The following DPP10 variants were observed in gnomAD, a reference collection of about 807,000 sequenced individuals.
The protein encoded by DPP10 is dipeptidyl peptidase like 10.
In DPP10, 33 loss-of-function variants were observed where a neutral mutation model predicts 120.9. The observed-to-expected ratio is 0.27, with a 90% CI of 0.21 to 0.37. DPP10 has a LOEUF of 0.37. DPP10 is among the 10% of genes least tolerant of loss of function. The pLI, the probability that DPP10 is intolerant of heterozygous loss-of-function variation, is 1.00. For missense variants in DPP10, 816 were observed against 942.8 expected, an observed-to-expected ratio of 0.87 and a Z score of 1.76; for synonymous variants, 337 against 326.1, an observed-to-expected ratio of 1.03 and a Z score of -0.36.
intron 1 of DPP10, chr2:115,161,821 C>CCG: frequency 1.2e-6 from 1 of 834,218 alleles, no homozygotes; most frequent in Non-Finnish European, 1.6e-6. Context: ...CCTCCCCGCC[C>CCG]CTCCGCTCCC....
At chr2:115,019,376 C>T (rs941958359) in intron 1 of DPP10, among the ~76,000 whole-genome samples, 2 of 152,026 alleles carry the variant, frequency 1.3e-5, no homozygotes, top group African/African-American at 4.8e-5. Context: ...GCAAACTGCA[C>T]TTGAAAGTCT....
At chr2:115,098,518 A>G (rs930526881) in intron 1 of DPP10, among the ~76,000 whole-genome samples, 2 of 152,102 alleles carry the variant, frequency 1.3e-5, no homozygotes, top group African/African-American at 4.8e-5. Flanking sequence ...ACGACATGTT[A>G]TTGTATTGAA....
intron 5 of DPP10, among the ~76,000 whole-genome samples, chr2:115,527,099 A>G (rs1286763418): frequency 6.6e-6 from 1 of 152,146 alleles, no homozygotes; most frequent in Non-Finnish European, 1.5e-5. Context: ...CTGCTATATT[A>G]AACTGATCAT....
chr2:115,235,636 A>C (rs2057960102), intron 1 of DPP10, among the ~76,000 whole-genome samples: 2 of 152,080 alleles, frequency 1.3e-5, no homozygotes, highest in Non-Finnish European at 2.9e-5. Context: ...ATCCCAGCTC[A>C]CTGCAACCTC....
At chr2:115,123,862 A>C (rs2049944752) in intron 1 of DPP10, among the ~76,000 whole-genome samples, 1 of 152,084 alleles carries the variant, frequency 6.6e-6, no homozygotes, top group Non-Finnish European at 1.5e-5. Flanking sequence ...GAACAGGAAG[A>C]TAGTCAGCAA....
chr2:114,487,940 C>A (rs566206434), intron 1 of DPP10, among the ~76,000 whole-genome samples: 3 of 152,096 alleles, frequency 2.0e-5, no homozygotes, highest in Non-Finnish European at 4.4e-5. Context: ...CATGCACTAA[C>A]AAACAGAAAA....
At chr2:115,719,124 T>C (rs2092579909) in intron 7 of DPP10, among the ~76,000 whole-genome samples, 1 of 152,170 alleles carries the variant, frequency 6.6e-6, no homozygotes, top group Non-Finnish European at 1.5e-5. Context: ...AGAAAGTCTG[T>C]TATTATATTC....
At chr2:115,720,436 C>T (rs1386511762) in intron 7 of DPP10, among the ~76,000 whole-genome samples, 1 of 151,932 alleles carries the variant, frequency 6.6e-6, no homozygotes, top group African/African-American at 2.4e-5. Context: ...ATTCGATGAT[C>T]CATCTAAAAA....
intron 5 of DPP10, among the ~76,000 whole-genome samples, chr2:115,662,432 T>A (rs1558995460): frequency 8.4e-6 from 1 of 118,662 alleles, no homozygotes; most frequent in Non-Finnish European, 1.7e-5. Context: ...TTTTTGTTTT[T>A]TATTTTTTTT....
intron 1 of DPP10, among the ~76,000 whole-genome samples, chr2:114,881,491 CATA>C (rs1458876862): frequency 0.022 from 1,644 of 74,580 alleles, 42 homozygotes; most frequent in African/African-American, 0.079. Flanking sequence ...ATCTATCTAT[CATA>C]TCTCTCTGTC....
rs186399212 is a variant in DPP10, at chr2:114,896,424, G to A, written c.61-412815G>A. Among the ~76,000 whole-genome samples the A allele has an allele frequency of 7.9e-5, 12 of 152,118 alleles. No homozygotes were observed. In the East Asian group the frequency reaches 9.7e-4, roughly 12 times the overall value. ...CTTTTATTTCCTTGAGCAGTGTTTT[G>A]TAGTTCTCCTTGAAGAGGTCCTTCA... On this transcript the variant is annotated intron_variant, in intron 1 of 25. Coordinates refer to ENST00000410059, the MANE Select transcript of DPP10 (RefSeq NM_020868.6).
At chr2:115,810,176 A>G (rs2150017041) in intron 19 of DPP10, among the ~76,000 whole-genome samples, 1 of 151,424 alleles carries the variant, frequency 6.6e-6, no homozygotes, top group East Asian at 1.9e-4. Context: ...AAAAAAAAAA[A>G]GTACTGCCCT....
chr2:115,538,671 G>A lies in DPP10; in HGVS notation c.441+12699G>A, dbSNP rs929702113. 1.1e-4 allele frequency among the ~76,000 whole-genome samples: 16 copies of A among 152,038 alleles called. No homozygotes were observed. The East Asian group carries it at 3.1e-3, about 30-fold the overall frequency. ...TAATGGACACACTAACTTAAGTAAC[G>A]TTATTGGCCACAGCTCAGTATAAAT... On this transcript the variant is annotated intron_variant, in intron 5 of 25. Coordinates refer to ENST00000410059, the MANE Select transcript of DPP10 (RefSeq NM_020868.6).
At chr2:115,119,317 T>C (rs548300690) in intron 1 of DPP10, among the ~76,000 whole-genome samples, 2 of 152,180 alleles carry the variant, frequency 1.3e-5, no homozygotes, top group Non-Finnish European at 2.9e-5. Context: ...AGTCCTGAGA[T>C]CTTATCAGGA....
At chr2:115,207,979 T>G (rs1002943604) in intron 1 of DPP10, among the ~76,000 whole-genome samples, 2 of 152,136 alleles carry the variant, frequency 1.3e-5, no homozygotes, top group Non-Finnish European at 2.9e-5. Context: ...TTAGTTTTCT[T>G]AAATGAATCT....
intron 1 of DPP10, among the ~76,000 whole-genome samples, chr2:115,271,708 T>C (rs1198491442): frequency 6.6e-6 from 1 of 152,142 alleles, no homozygotes; most frequent in Non-Finnish European, 1.5e-5. Flanking sequence ...AAAAAAACTT[T>C]TAAGTAAGAA....
intron 1 of DPP10, among the ~76,000 whole-genome samples, chr2:114,988,705 C>T (rs1372809829): frequency 3.3e-5 from 5 of 152,046 alleles, no homozygotes; most frequent in Admixed American, 1.3e-4. Context: ...TTTCTTCTAC[C>T]GCTATTATGA....
intron 1 of DPP10, among the ~76,000 whole-genome samples, chr2:115,126,809 T>G (rs13397884): frequency 0.13 from 19,273 of 152,164 alleles, 1,379 homozygotes; most frequent in East Asian, 0.16. Flanking sequence ...TTGTTCCCAC[T>G]GCTACAGAAG....
intron 1 of DPP10, among the ~76,000 whole-genome samples, chr2:114,680,830 C>G (rs1277131894): frequency 1.3e-5 from 2 of 151,842 alleles, no homozygotes; most frequent in Admixed American, 1.3e-4. Context: ...GGTGTCAGGA[C>G]CTAGAAAAAC....
Sources: allele counts gnomAD v4.1 joint callset (sites outside exome capture counted in the v4.1 genomes callset), GRCh38; gene constraint gnomAD v4.1.1; transcripts MANE v1.5; gene names NCBI Gene and HGNC (gene_info 2026-07-23, HGNC 2026-07-21).